Variants in IFT81 observed in about 807,000 individuals in gnomAD.
The protein encoded by IFT81 is intraflagellar transport 81.
In IFT81, 72 loss-of-function variants were observed where a neutral mutation model predicts 102.6. The ratio of observed to expected loss-of-function variants is 0.70; its 90% CI spans 0.58 to 0.85. The LOEUF is 0.85. IFT81 is among the 40% of genes least tolerant of loss of function. IFT81 has a pLI of 0.00. For missense variants in IFT81, 723 were observed against 787.3 expected, an observed-to-expected ratio of 0.92 and a Z score of 0.98; for synonymous variants, 237 against 242.7, an observed-to-expected ratio of 0.98 and a Z score of 0.22.
At chr12:110,174,038 G>A (rs1896917271) in intron 11 of IFT81, among the ~76,000 whole-genome samples, 1 of 151,912 alleles carries the variant, frequency 6.6e-6, no homozygotes, top group Non-Finnish European at 1.5e-5. Flanking sequence ...AGCACTTTGG[G>A]AGACTGAGGC....
intron 1 of IFT81, among the ~76,000 whole-genome samples, chr12:110,125,664 G>A (rs1566095848): frequency 6.6e-6 from 1 of 152,170 alleles, no homozygotes; most frequent in Non-Finnish European, 1.5e-5. Context: ...CAAAGTACTG[G>A]GATTACAGGA....
intron 8 of IFT81, 132 bp downstream of exon 8, chr12:110,136,992 A>G (rs1894550782): frequency 3.7e-6 from 2 of 545,454 alleles, no homozygotes; most frequent in African/African-American, 3.9e-5. Flanking sequence ...ATCATTTCCT[A>G]GCTGGAGAAG....
At chr12:110,198,250 A>G (rs1343779962) in intron 14 of IFT81, among the ~76,000 whole-genome samples, 4 of 150,940 alleles carry the variant, frequency 2.7e-5, no homozygotes, top group Non-Finnish European at 5.9e-5. Flanking sequence ...GTAAAGAATC[A>G]TTACAATAAG....
intron 14 of IFT81, among the ~76,000 whole-genome samples, chr12:110,202,873 T>C (rs1388513214): frequency 6.6e-6 from 1 of 152,214 alleles, no homozygotes; most frequent in Non-Finnish European, 1.5e-5. Context: ...ATTTAGTTAT[T>C]GTCAGTGGTA....
In IFT81 at chr12:110,136,765, G is replaced by A. The variant is rs367777678; in HGVS notation, c.697-11G>A. 2 of 1,570,134 alleles carry A rather than the reference G, an allele frequency of 1.3e-6. No individual in the cohort carries two copies. The highest frequency in any genetic ancestry group is 1.7e-6 in the Non-Finnish European group (2 of 1,144,512). Reference sequence around the variant, plus strand: ...GACTAAGCAAGTAATCTATTTAATTGTATTTTAAAGCTATTTCATGCAGTG... The same window carrying A: ...GACTAAGCAAGTAATCTATTTAATTATATTTTAAAGCTATTTCATGCAGTG... On this transcript the variant is annotated splice_polypyrimidine_tract_variant and intron_variant, in intron 7 of 18. Transcript: ENST00000242591.
intron 11 of IFT81, among the ~76,000 whole-genome samples, chr12:110,179,769 T>TACACACACAC (rs1299408451): frequency 1.8e-4 from 12 of 65,368 alleles, no homozygotes; most frequent in South Asian, 4.4e-4. Context: ...TATATATATA[T>TACACACACAC]ATATACACAC....
chr12:110,183,827 C>T (rs1284999085), intron 12 of IFT81, among the ~76,000 whole-genome samples: 1 of 152,190 alleles, frequency 6.6e-6, no homozygotes. Flanking sequence ...TCAAGTGGGT[C>T]TATCCAGATA....
intron 10 of IFT81, among the ~76,000 whole-genome samples, chr12:110,148,697 ACTC>A (rs1164956217): frequency 6.7e-6 from 1 of 150,268 alleles, no homozygotes; most frequent in Non-Finnish European, 1.5e-5. Context: ...CTGGTCTTGA[ACTC>A]CTGACCTCAT....
At chr12:110,150,210 G>T (rs1593301955) in intron 10 of IFT81, among the ~76,000 whole-genome samples, 1 of 151,866 alleles carries the variant, frequency 6.6e-6, no homozygotes, top group East Asian at 1.9e-4. Context: ...GGGTTCAAGC[G>T]ATTCTCCTGC....
intron 12 of IFT81, among the ~76,000 whole-genome samples, chr12:110,185,362 T>C (rs559415141): frequency 4.8e-5 from 7 of 145,486 alleles, no homozygotes; most frequent in African/African-American, 1.8e-4. Context: ...TTTTTTTGTA[T>C]TTTTTTTTTA....
chr12:110,213,011 C>T (rs954991732), intron 18 of IFT81, among the ~76,000 whole-genome samples: 2 of 152,074 alleles, frequency 1.3e-5, no homozygotes, highest in Admixed American at 6.6e-5. Flanking sequence ...TTTTTAAGCA[C>T]ATCGCAGACT....
intron 17 of IFT81, among the ~76,000 whole-genome samples, chr12:110,207,746 G>T (rs1211074024): frequency 6.6e-6 from 1 of 151,638 alleles, no homozygotes; most frequent in Non-Finnish European, 1.5e-5. Flanking sequence ...TGAATTTTTA[G>T]TAGAGACAGG....
chr12:110,158,274 T>A (rs894228593), intron 10 of IFT81, among the ~76,000 whole-genome samples: 17 of 152,086 alleles, frequency 1.1e-4, no homozygotes, highest in Non-Finnish European at 2.1e-4. Flanking sequence ...AGAGACAGGT[T>A]TCACCATGTT....
At chr12:110,175,770 T>C (rs1050618110) in intron 11 of IFT81, among the ~76,000 whole-genome samples, 3 of 152,226 alleles carry the variant, frequency 2.0e-5, no homozygotes, top group African/African-American at 7.2e-5. Context: ...ATTTTTTATT[T>C]TTGCCAGTTG....
intron 11 of IFT81, among the ~76,000 whole-genome samples, chr12:110,171,597 G>A (rs1593330825): frequency 6.6e-6 from 1 of 152,194 alleles, no homozygotes; most frequent in Non-Finnish European, 1.5e-5. Flanking sequence ...TAACAGGTTA[G>A]AAAAGGTTAG....
intron 13 of IFT81, among the ~76,000 whole-genome samples, chr12:110,191,328 G>A (rs1018227222): frequency 6.6e-6 from 1 of 151,806 alleles, no homozygotes; most frequent in Admixed American, 6.6e-5. Flanking sequence ...GTGCCACCAT[G>A]CCCGGCTAAT....
At chr12:110,158,985 G>A (rs1308224823) in intron 10 of IFT81, among the ~76,000 whole-genome samples, 1 of 152,194 alleles carries the variant, frequency 6.6e-6, no homozygotes, top group African/African-American at 2.4e-5. Context: ...GCCTCCCAAA[G>A]TGCTGGGATT....
At chr12:110,202,853 C>T (rs1898364681) in intron 14 of IFT81, among the ~76,000 whole-genome samples, 1 of 152,126 alleles carries the variant, frequency 6.6e-6, no homozygotes, top group South Asian at 2.1e-4. Context: ...TTTTGAGGTG[C>T]CGTTTTGAGA....
At chr12:110,174,277 C>CAAAAAAAAAAA (rs61353726) in intron 11 of IFT81, among the ~76,000 whole-genome samples, 1 of 35,256 alleles carries the variant, frequency 2.8e-5, no homozygotes, top group Non-Finnish European at 5.2e-5. Flanking sequence ...GACTCCGTCT[C>CAAAAAAAAAAA]AAAAAAAAAA....
Sources: allele counts gnomAD v4.1 joint callset (sites outside exome capture counted in the v4.1 genomes callset), GRCh38; gene constraint gnomAD v4.1.1; transcripts MANE v1.5; gene names NCBI Gene and HGNC (gene_info 2026-07-23, HGNC 2026-07-21).